Variants in IL1RAPL2 observed in about 807,000 individuals in gnomAD.
IL1RAPL2 encodes the protein X-linked interleukin-1 receptor accessory protein-like 2.
In IL1RAPL2, 3 loss-of-function variants were observed where a neutral mutation model predicts 44.1. That is an observed-to-expected ratio of 0.07 (90% CI 0.03 to 0.18). The LOEUF is 0.18. Among genes scored for constraint, IL1RAPL2 ranks in the 10% least tolerant of loss-of-function variants. The pLI is 1.00. For synonymous variants in IL1RAPL2, 181 were observed against 178.8 expected (o/e 1.01, Z -0.10); for missense variants, 391 against 496.4 (o/e 0.79, Z 2.02).
intron 2 of IL1RAPL2, among the ~76,000 whole-genome samples, chrX:104,956,402 A>C (rs1204450207): frequency 1.8e-5 from 2 of 109,438 alleles, no homozygotes; most frequent in Non-Finnish European, 3.8e-5. Context: ...CAGGTGGATC[A>C]CTTGAGGTCA....
At position 104,843,476 on chromosome X, in the gene IL1RAPL2, C is replaced by G. The variant is rs768103316; in HGVS notation, c.82+184481C>G. Among the ~76,000 whole-genome samples the G allele has an allele frequency of 1.4e-3, 156 of 111,132 alleles. 1 individual carries two copies. The highest frequency in any genetic ancestry group is 4.7e-3 in the African/African-American group (144 of 30,554). On this transcript the variant is annotated intron_variant, in intron 2 of 10. Transcript: ENST00000372582. ...AGTATGAAAAAACTCCTGTGGCTAC[C>G]TCGGTGCCTGCTCAAACAGCCACCC...
intron 2 of IL1RAPL2, among the ~76,000 whole-genome samples, chrX:104,894,418 C>T (rs1923570657): frequency 8.9e-6 from 1 of 112,032 alleles, no homozygotes; most frequent in Non-Finnish European, 1.9e-5. Context: ...CTTTCTGGTA[C>T]ACCAATCAGA....
chrX:105,228,784 G>C (rs181542352), intron 3 of IL1RAPL2, among the ~76,000 whole-genome samples: 27 of 111,767 alleles, frequency 2.4e-4, no homozygotes, highest in African/African-American at 7.8e-4. Flanking sequence ...AGTATCCAGG[G>C]GCTAGCAGCC....
At chrX:105,212,659 C>T (rs982572260) in intron 3 of IL1RAPL2, among the ~76,000 whole-genome samples, 10 of 112,036 alleles carry the variant, frequency 8.9e-5, no homozygotes, top group Admixed American at 7.5e-4. Context: ...AAGTGGGTCC[C>T]GGACCCCCAT....
chrX:105,456,338 T>G (rs2036055020), intron 5 of IL1RAPL2, among the ~76,000 whole-genome samples: 3 of 111,509 alleles, frequency 2.7e-5, no homozygotes, highest in Non-Finnish European at 5.6e-5. Flanking sequence ...TTGCCCTGGC[T>G]AGGCTTTCCA....
intron 3 of IL1RAPL2, 38 bp from the exon 4 acceptor site, chrX:105,233,780 C>A (rs1556198471): frequency 3.7e-6 from 4 of 1,092,676 alleles, no homozygotes; most frequent in Admixed American, 2.4e-5. Flanking sequence ...GTTGTAAACA[C>A]CCAATAAAGC....
At chrX:104,676,878 C>T (rs1930774117) in intron 2 of IL1RAPL2, among the ~76,000 whole-genome samples, 1 of 112,084 alleles carries the variant, frequency 8.9e-6, no homozygotes, top group South Asian at 3.8e-4. Flanking sequence ...ACCCTTTCTT[C>T]CAGTTGATCA....
intron 6 of IL1RAPL2, among the ~76,000 whole-genome samples, chrX:105,491,631 A>G (rs2036319776): frequency 9.0e-6 from 1 of 111,715 alleles, no homozygotes; most frequent in Admixed American, 9.5e-5. Context: ...AGGGTTAGTG[A>G]GTTGTTTCCA....
intron 2 of IL1RAPL2, among the ~76,000 whole-genome samples, chrX:104,830,129 T>C (rs952223556): frequency 3.6e-5 from 4 of 111,626 alleles, no homozygotes; most frequent in Non-Finnish European, 7.5e-5. Flanking sequence ...AAGTGGTTTA[T>C]CCAACTCTTG....
At chrX:105,301,513 C>A (rs142073349) in intron 5 of IL1RAPL2, among the ~76,000 whole-genome samples, 2 of 110,904 alleles carry the variant, frequency 1.8e-5, no homozygotes, top group African/African-American at 3.3e-5. Context: ...ATCTTCCCCC[C>A]GCCCTCCCAC....
At chrX:105,537,271 C>A (rs1035450775) in intron 6 of IL1RAPL2, among the ~76,000 whole-genome samples, 1 of 111,676 alleles carries the variant, frequency 9.0e-6, no homozygotes, top group East Asian at 2.8e-4. Flanking sequence ...GGTGAATACA[C>A]AGACAAGAGC....
rs913209541 is a variant in IL1RAPL2 at position 105,153,553 on chromosome X, C to G, written c.83-41922C>G. 3.6e-5 allele frequency among the ~76,000 whole-genome samples: 4 copies of G among 111,973 alleles called. No individual in the cohort carries two copies. The Admixed American group carries it at 3.8e-4, about 11-fold the overall frequency. ...GTGAAGGACCATGGCCCATGACAGC[C>G]TCAGGAGGTCCTGAGAACATGTGTC... On this transcript the variant is annotated intron_variant, in intron 2 of 10. Coordinates refer to ENST00000372582, the MANE Select transcript of IL1RAPL2 (RefSeq NM_017416.2).
At chrX:105,721,817 A>C (rs760718174) in intron 7 of IL1RAPL2, among the ~76,000 whole-genome samples, 25 of 112,030 alleles carry the variant, frequency 2.2e-4, no homozygotes, top group African/African-American at 7.8e-4. Context: ...CTATATTAGC[A>C]GTGACGGAAA....
At chrX:104,637,086 C>T (rs1225365361) in intron 1 of IL1RAPL2, among the ~76,000 whole-genome samples, 4 of 107,618 alleles carry the variant, frequency 3.7e-5, no homozygotes, top group African/African-American at 1.4e-4. Context: ...TTTTTTGTAG[C>T]TATTGTAAGT....
chrX:104,630,965 A>G (rs1929633505), intron 1 of IL1RAPL2, among the ~76,000 whole-genome samples: 1 of 110,178 alleles, frequency 9.1e-6, no homozygotes. Context: ...CATTAGGTAT[A>G]TCTCCTAATG....
chrX:105,142,137 T>A (rs1288166883), intron 2 of IL1RAPL2, among the ~76,000 whole-genome samples: 1 of 111,736 alleles, frequency 8.9e-6, no homozygotes, highest in Non-Finnish European at 1.9e-5. Context: ...AAATAAGAAT[T>A]TAGTTGATCA....
At chrX:105,145,264 A>G (rs966583790) in intron 2 of IL1RAPL2, among the ~76,000 whole-genome samples, 5 of 111,489 alleles carry the variant, frequency 4.5e-5, no homozygotes, top group Admixed American at 2.9e-4. Flanking sequence ...TTCATTATGA[A>G]CCGTACAGTG....
intron 1 of IL1RAPL2, among the ~76,000 whole-genome samples, chrX:104,599,650 GCACACA>G (rs35769134): frequency 0.067 from 5,792 of 86,078 alleles, 436 homozygotes; most frequent in African/African-American, 0.21. Context: ...GATGGATTTA[GCACACA>G]CACACACACA....
At chrX:105,656,643 A>G (rs1330162706) in intron 6 of IL1RAPL2, among the ~76,000 whole-genome samples, 2 of 111,639 alleles carry the variant, frequency 1.8e-5, no homozygotes, top group Admixed American at 9.5e-5. Flanking sequence ...GCCCTAACCA[A>G]TCACTCATTT....
Sources: gnomAD v4.1 joint callset for allele counts (sites outside exome capture counted in the v4.1 genomes callset) on GRCh38, gnomAD v4.1.1 for gene constraint, MANE v1.5 for transcripts, NCBI Gene and HGNC (gene_info 2026-07-23, HGNC 2026-07-21) for gene names.